TTLL11: variants seen among roughly 807,000 people sequenced by gnomAD.
The protein encoded by TTLL11 is tubulin tyrosine ligase like 11.
Under a neutral mutation model 51.7 loss-of-function variants are expected in TTLL11, and 42 were observed. That is an observed-to-expected ratio of 0.81 (90% CI 0.64 to 1.05). The LOEUF is 1.05. Ranked by LOEUF, TTLL11 falls within the 50% of genes least tolerant of loss-of-function variation. TTLL11 has a pLI of 0.00. For missense variants in TTLL11, 799 were observed against 940.4 expected, an observed-to-expected ratio of 0.85 and a Z score of 1.97; for synonymous variants, 381 against 383.5, an observed-to-expected ratio of 0.99 and a Z score of 0.08.
At chr9:121,960,319 A>T (rs7021247) in intron 6 of TTLL11, among the ~76,000 whole-genome samples, 137,474 of 152,204 alleles carry the variant, frequency 0.9, 62,637 homozygotes, top group Non-Finnish European at 0.97. Flanking sequence ...TGAGTGAATA[A>T]CCATAATGAG....
intron 1 of TTLL11, among the ~76,000 whole-genome samples, chr9:122,051,967 G>C (rs1192624608): frequency 6.6e-6 from 1 of 152,060 alleles, no homozygotes; most frequent in Non-Finnish European, 1.5e-5. Context: ...AAGTCCAGAA[G>C]AGGCCAATTA....
intron 7 of TTLL11, among the ~76,000 whole-genome samples, chr9:121,862,030 G>A (rs760194532): frequency 2.0e-5 from 3 of 152,166 alleles, no homozygotes; most frequent in Non-Finnish European, 2.9e-5. Context: ...GGAGGATTGT[G>A]GGGGACGGGC....
At chr9:121,920,152 C>T (rs1280196548) in intron 6 of TTLL11, among the ~76,000 whole-genome samples, 2 of 152,114 alleles carry the variant, frequency 1.3e-5, no homozygotes, top group African/African-American at 4.8e-5. Context: ...AAATACAAAA[C>T]ATTTGCCAGG....
intron 3 of TTLL11, among the ~76,000 whole-genome samples, chr9:122,014,962 T>C (rs540815940): frequency 3.0e-4 from 45 of 152,320 alleles, no homozygotes; most frequent in African/African-American, 1.1e-3. Context: ...GGGAAACGAT[T>C]GCACTAAACC....
chr9:122,045,934 T>C (rs1352603733), intron 1 of TTLL11, among the ~76,000 whole-genome samples: 1 of 152,148 alleles, frequency 6.6e-6, no homozygotes, highest in African/African-American at 2.4e-5. Flanking sequence ...GTACAGAGTG[T>C]CAGTTTGGGA....
intron 8 of TTLL11, among the ~76,000 whole-genome samples, chr9:121,833,489 A>G (rs930002850): frequency 5.9e-5 from 9 of 152,218 alleles, no homozygotes; most frequent in African/African-American, 2.2e-4. Flanking sequence ...CAAGAATCCT[A>G]TCTTACGTCT....
chr9:122,033,811 G>C (rs938771597), intron 2 of TTLL11, among the ~76,000 whole-genome samples: 1 of 152,160 alleles, frequency 6.6e-6, no homozygotes, highest in African/African-American at 2.4e-5. Context: ...AAATAAAGGA[G>C]CTTAAAAAGC....
intron 8 of TTLL11, among the ~76,000 whole-genome samples, chr9:121,836,731 G>A (rs986468902): frequency 3.3e-5 from 5 of 152,180 alleles, no homozygotes; most frequent in African/African-American, 9.7e-5. Context: ...ATGACCCAAC[G>A]TGAGATGGGG....
At chr9:121,924,393 C>A (rs1443831180) in intron 6 of TTLL11, among the ~76,000 whole-genome samples, 2 of 152,244 alleles carry the variant, frequency 1.3e-5, no homozygotes, top group Non-Finnish European at 2.9e-5. Context: ...AGAAAAGAGG[C>A]AAGGGCCACA....
chr9:121,885,824 C>G lies in TTLL11; in HGVS notation c.1482-15076G>C, dbSNP rs557668734. Among the ~76,000 whole-genome samples the G allele has an allele frequency of 2.0e-5, 3 of 152,260 alleles. No homozygotes were observed. In the South Asian group the frequency reaches 6.2e-4, roughly 32 times the overall value. ...GCTCACGGCAGCCCCAAACTCCTGGCCTCATGCAATCCTCTTGCCTCAGCC... is the reference window on the plus strand; with the variant it reads ...GCTCACGGCAGCCCCAAACTCCTGGGCTCATGCAATCCTCTTGCCTCAGCC... On this transcript the variant is annotated intron_variant, in intron 6 of 8. Transcript: ENST00000321582.
chr9:121,973,125 A>T (rs1041061406), intron 6 of TTLL11, among the ~76,000 whole-genome samples: 5 of 152,252 alleles, frequency 3.3e-5, no homozygotes, highest in African/African-American at 1.2e-4. Flanking sequence ...ACAAAACAAC[A>T]TACTCAAGTG....
chr9:122,026,377 G>A (rs1485544996), intron 3 of TTLL11, among the ~76,000 whole-genome samples: 5 of 150,232 alleles, frequency 3.3e-5, no homozygotes, highest in African/African-American at 1.2e-4. Context: ...GGTGGAGGTT[G>A]TAGTGAGCCA....
At chr9:122,062,958 G>A (rs1317002482) in intron 1 of TTLL11, among the ~76,000 whole-genome samples, 1 of 151,860 alleles carries the variant, frequency 6.6e-6, no homozygotes. Context: ...TTTGTTTATT[G>A]TTTGTAGAGA....
chr9:122,009,600 T>C (rs1233892150), intron 3 of TTLL11, among the ~76,000 whole-genome samples: 2 of 151,662 alleles, frequency 1.3e-5, no homozygotes, highest in East Asian at 3.9e-4. Flanking sequence ...ACACTATATA[T>C]AAGTAGATAT....
At chr9:121,823,741 C>T (rs543756347) in intron 8 of TTLL11, among the ~76,000 whole-genome samples, 228 of 152,160 alleles carry the variant, frequency 1.5e-3, no homozygotes, top group Middle Eastern at 3.4e-3. Flanking sequence ...TAAATTTTAC[C>T]CCCCAAAGTA....
intron 3 of TTLL11, among the ~76,000 whole-genome samples, chr9:121,997,808 C>G (rs1215284701): frequency 6.6e-6 from 1 of 152,206 alleles, no homozygotes; most frequent in African/African-American, 2.4e-5. Context: ...CCTATCCTAT[C>G]CTATCCTCCA....
intron 3 of TTLL11, among the ~76,000 whole-genome samples, chr9:122,016,532 T>G (rs1022418753): frequency 6.6e-6 from 1 of 152,204 alleles, no homozygotes; most frequent in Non-Finnish European, 1.5e-5. Context: ...CAAGTTTTCT[T>G]TCTGCCTTGA....
At chr9:121,971,106 G>C (rs1178311442) in intron 6 of TTLL11, among the ~76,000 whole-genome samples, 163 of 126,274 alleles carry the variant, frequency 1.3e-3, no homozygotes, top group Middle Eastern at 4.6e-3. Context: ...CGCCCCGTCC[G>C]GGAGGGAGGT....
intron 6 of TTLL11, among the ~76,000 whole-genome samples, chr9:121,940,806 T>C (rs1453772376): frequency 6.6e-6 from 1 of 152,222 alleles, no homozygotes; most frequent in Non-Finnish European, 1.5e-5. Context: ...TCTTTTTCTA[T>C]TTCATATAAA....
Sources: allele counts gnomAD v4.1 joint callset (sites outside exome capture counted in the v4.1 genomes callset), GRCh38; gene constraint gnomAD v4.1.1; transcripts MANE v1.5; gene names NCBI Gene and HGNC (gene_info 2026-07-23, HGNC 2026-07-21).